The following SLCO1B1 variants were observed in gnomAD, a reference collection of about 807,000 sequenced individuals.
The protein encoded by SLCO1B1 is solute carrier organic anion transporter family member 1B1.
A neutral mutation model predicts 70.1 loss-of-function variants in SLCO1B1; 81 were observed. The ratio of observed to expected loss-of-function variants is 1.16; its 90% CI spans 0.97 to 1.39. SLCO1B1 has a LOEUF of 1.39. Ranked by LOEUF, SLCO1B1 falls within the 40% of genes most tolerant of loss-of-function variation. The pLI is 0.00. For missense variants in SLCO1B1, 895 were observed against 799.6 expected (o/e 1.12, Z -1.44); for synonymous variants, 283 against 271.5 (o/e 1.04, Z -0.42).
chr12:21,204,064 A>G (rs974695400), intron 10 of SLCO1B1, among the ~76,000 whole-genome samples: 3 of 152,020 alleles, frequency 2.0e-5, no homozygotes, highest in African/African-American at 7.2e-5. Flanking sequence ...CAGTTCCCTC[A>G]TGGGACTCAT....
At position 21,213,142 on chromosome 12, in the gene SLCO1B1, G is replaced by A. The variant is rs1158179602; in HGVS notation, c.1498-3977G>A. On this transcript the variant is annotated intron_variant, in intron 11 of 14. Coordinates refer to ENST00000256958, the MANE Select transcript of SLCO1B1 (RefSeq NM_006446.5). ...CTGGTTATTTTGCTCTTTAGTTGAC[G>A]CAGTTTCTTCCTAGTCTTGATGGTC... 3.3e-5 allele frequency among the ~76,000 whole-genome samples: 5 copies of A among 151,774 alleles called. No individual in the cohort carries two copies. In the East Asian group the frequency reaches 5.8e-4, roughly 18 times the overall value.
intron 14 of SLCO1B1, among the ~76,000 whole-genome samples, chr12:21,228,679 G>A (rs577772533): frequency 1.3e-5 from 2 of 152,294 alleles, no homozygotes; most frequent in Non-Finnish European, 2.9e-5. Flanking sequence ...GGAAGAAAGG[G>A]GCCAGGAGCC....
intron 2 of SLCO1B1, 37 bp from the exon 3 acceptor site, chr12:21,172,612 AT>A: frequency 6.2e-7 from 1 of 1,611,170 alleles, no homozygotes; most frequent in Non-Finnish European, 8.5e-7. Flanking sequence ...TAGTCCTTCG[AT>A]TAACCATTTT....
At position 21,159,474 on chromosome 12, in the gene SLCO1B1, T is replaced by C. The variant is rs981264; in HGVS notation, c.85-13176T>C. 0.024 allele frequency among the ~76,000 whole-genome samples: 3,597 copies of C among 151,982 alleles called. 348 individuals carry two copies. In the East Asian group the frequency reaches 0.32, roughly 14 times the overall value. On this transcript the variant is annotated intron_variant, in intron 2 of 14. Coordinates refer to ENST00000256958, the MANE Select transcript of SLCO1B1 (RefSeq NM_006446.5). ...CTTTGCAGCAATAAAAAATGGCAAA[T>C]GATAAAAAATTCAAATTTTTCTTAC...
intron 11 of SLCO1B1, among the ~76,000 whole-genome samples, chr12:21,207,181 G>A (rs1484802073): frequency 6.6e-6 from 1 of 151,878 alleles, no homozygotes; most frequent in African/African-American, 2.4e-5. Flanking sequence ...AAATGAATTT[G>A]TGTTAGATGG....
chr12:21,150,981 A>T (rs1389172912), intron 2 of SLCO1B1, among the ~76,000 whole-genome samples: 1 of 152,196 alleles, frequency 6.6e-6, no homozygotes. Flanking sequence ...AACAACAGGA[A>T]TGCATTATGA....
intron 2 of SLCO1B1, among the ~76,000 whole-genome samples, chr12:21,143,582 C>T (rs1940341800): frequency 6.6e-6 from 1 of 151,970 alleles, no homozygotes; most frequent in Non-Finnish European, 1.5e-5. Flanking sequence ...CTCCCCTTTT[C>T]AGATGAAAAA....
At chr12:21,234,842 G>C (rs535473758) in intron 14 of SLCO1B1, among the ~76,000 whole-genome samples, 1 of 152,196 alleles carries the variant, frequency 6.6e-6, no homozygotes, top group East Asian at 1.9e-4. Flanking sequence ...TCTTGTAATT[G>C]TGTAGTTTCA....
chr12:21,194,841 A>T (rs1344770366), intron 7 of SLCO1B1, among the ~76,000 whole-genome samples: 1 of 152,238 alleles, frequency 6.6e-6, no homozygotes, highest in Non-Finnish European at 1.5e-5. Flanking sequence ...CAGGCATGGC[A>T]CTGGCATTAT....
At chr12:21,151,510 T>A (rs1436102223) in intron 2 of SLCO1B1, among the ~76,000 whole-genome samples, 2 of 152,174 alleles carry the variant, frequency 1.3e-5, no homozygotes. Context: ...ATCAAATACA[T>A]TATAGATATT....
rs941172574 is a variant in SLCO1B1, at chr12:21,165,812, C to T, written c.85-6838C>T. Among the ~76,000 whole-genome samples the T allele has an allele frequency of 3.3e-5, 5 of 152,062 alleles. No individual in the cohort carries two copies. In the South Asian group the frequency reaches 1.0e-3, roughly 31 times the overall value. ...ACCAGAAATTGACCATGCTGGCACC[C>T]TTATCTCAGACTTCTCACCCTTCAG... On this transcript the variant is annotated intron_variant, in intron 2 of 14. Coordinates refer to ENST00000256958, the MANE Select transcript of SLCO1B1 (RefSeq NM_006446.5).
chr12:21,192,774 C>A (rs1941045668), intron 7 of SLCO1B1, among the ~76,000 whole-genome samples: 1 of 151,922 alleles, frequency 6.6e-6, no homozygotes, highest in Admixed American at 6.6e-5. Context: ...TACTAGTGAC[C>A]ATAAATTAGA....
intron 2 of SLCO1B1, among the ~76,000 whole-genome samples, chr12:21,149,659 G>A (rs1356496428): frequency 1.3e-5 from 2 of 152,182 alleles, no homozygotes; most frequent in African/African-American, 2.4e-5. Flanking sequence ...CTGAGGAAAA[G>A]TGCATTCTGG....
chr12:21,163,696 G>A (rs1940650374), intron 2 of SLCO1B1, among the ~76,000 whole-genome samples: 2 of 152,092 alleles, frequency 1.3e-5, no homozygotes, highest in Admixed American at 6.6e-5. Flanking sequence ...AAAGAGAATG[G>A]AAGTGAGTTC....
chr12:21,178,010 T>C (rs1196699223), intron 5 of SLCO1B1, among the ~76,000 whole-genome samples: 2 of 152,156 alleles, frequency 1.3e-5, no homozygotes, highest in Non-Finnish European at 2.9e-5. Context: ...AAGCTTGAGG[T>C]GATCTTCTGT....
chr12:21,142,007 T>C (rs1940316179), intron 2 of SLCO1B1, among the ~76,000 whole-genome samples: 1 of 151,332 alleles, frequency 6.6e-6, no homozygotes, highest in Non-Finnish European at 1.5e-5. Flanking sequence ...AATTGACTTA[T>C]AAACTTAGAA....
At chr12:21,145,453 C>A (rs1392939341) in intron 2 of SLCO1B1, among the ~76,000 whole-genome samples, 2 of 146,430 alleles carry the variant, frequency 1.4e-5, no homozygotes. Flanking sequence ...GCACATGCCA[C>A]TTCACCCAGC....
At chr12:21,165,660 T>C (rs1940675093) in intron 2 of SLCO1B1, among the ~76,000 whole-genome samples, 2 of 152,158 alleles carry the variant, frequency 1.3e-5, no homozygotes, top group East Asian at 1.9e-4. Flanking sequence ...AAAGAGATCA[T>C]GAGAAATTTG....
intron 7 of SLCO1B1, among the ~76,000 whole-genome samples, chr12:21,194,096 A>T (rs960553185): frequency 2.1e-5 from 3 of 142,630 alleles, no homozygotes. Flanking sequence ...CGGCCAAGTC[A>T]TCACCCTTTA....
Sources: allele counts gnomAD v4.1 joint callset (sites outside exome capture counted in the v4.1 genomes callset), GRCh38; gene constraint gnomAD v4.1.1; transcripts MANE v1.5; gene names NCBI Gene and HGNC (gene_info 2026-07-23, HGNC 2026-07-21).